CDH1: variants seen among roughly 807,000 people sequenced by gnomAD.
The protein encoded by CDH1 is cadherin 1, also known as cadherin-1.
CDH1 carries 35 observed loss-of-function variants against 84.5 expected under a neutral mutation model. That is an observed-to-expected ratio of 0.41 (90% CI 0.32 to 0.55). The LOEUF is 0.55. CDH1 is among the 20% of genes least tolerant of loss of function. CDH1 has a pLI of 0.19. For synonymous variants in CDH1, 417 were observed against 439.0 expected (o/e 0.95, Z 0.63); for missense variants, 994 against 1,126.6 (o/e 0.88, Z 1.68).
intron 11 of CDH1, among the ~76,000 whole-genome samples, chr16:68,820,598 C>T (rs2152137564): frequency 6.6e-6 from 1 of 152,278 alleles, no homozygotes; most frequent in South Asian, 2.1e-4. Context: ...GATCTGCCCA[C>T]CTTGGCCTCC....
At position 68,813,336 on chromosome 16, in the gene CDH1, C is replaced by A. The variant is rs111266450; in HGVS notation, c.1161C>A (p.Asn387Lys). 12 of 1,614,090 alleles carry A rather than the reference C, an allele frequency of 7.4e-6. No homozygotes were observed. The South Asian group carries it at 1.2e-4, about 16-fold the overall frequency. Residue 387 changes from asparagine to lysine, a missense_variant, in exon 9 of 16, where the codon AAC becomes AAA. Around this residue, in one of 3 missense-constraint regions of CDH1, gnomAD observed 769 missense variants for 881.8 expected, o/e 0.87. Transcript: ENST00000261769. Reference sequence around the variant, plus strand: ...AGTACAAGGGTCAGGTGCCTGAGAACGAGGCTAACGTCGTAATCACCACAC... The same window carrying A: ...AGTACAAGGGTCAGGTGCCTGAGAAAGAGGCTAACGTCGTAATCACCACAC... Reference protein sequence around the residue: ...PTTYKGQVPENEANVVITTLK... With the variant: ...PTTYKGQVPEKEANVVITTLK...
At chr16:68,766,235 G>A (rs1959379731) in intron 2 of CDH1, among the ~76,000 whole-genome samples, 1 of 152,132 alleles carries the variant, frequency 6.6e-6, no homozygotes, top group Non-Finnish European at 1.5e-5. Context: ...CTCCAGCCTG[G>A]GCGACAGAGT....
intron 11 of CDH1, among the ~76,000 whole-genome samples, chr16:68,820,350 T>C (rs1322572269): frequency 1.3e-5 from 2 of 150,528 alleles, no homozygotes; most frequent in African/African-American, 2.5e-5. Flanking sequence ...ATTTGCTGTT[T>C]AATTTTTTTT....
chr16:68,818,473 T>G (rs76921861), intron 10 of CDH1, among the ~76,000 whole-genome samples: 2 of 151,560 alleles, frequency 1.3e-5, no homozygotes, highest in African/African-American at 4.8e-5. Flanking sequence ...GAAGAGTTCA[T>G]GGATGGTCAT....
At chr16:68,804,263 G>A (rs930786485) in intron 3 of CDH1, among the ~76,000 whole-genome samples, 2 of 151,830 alleles carry the variant, frequency 1.3e-5, no homozygotes, top group Non-Finnish European at 2.9e-5. Flanking sequence ...ACAGGCATCC[G>A]CCACCACGCC....
intron 2 of CDH1, among the ~76,000 whole-genome samples, chr16:68,763,978 T>C (rs201482996): frequency 3.3e-5 from 5 of 152,104 alleles, no homozygotes; most frequent in Non-Finnish European, 7.4e-5. Context: ...CCAGAGCTGG[T>C]TGGGGGGATG....
At chr16:68,775,900 G>A (rs1490075704) in intron 2 of CDH1, among the ~76,000 whole-genome samples, 1 of 152,142 alleles carries the variant, frequency 6.6e-6, no homozygotes, top group Admixed American at 6.5e-5. Context: ...TCTTCCACAG[G>A]TCTCCCCCAT....
intron 15 of CDH1, among the ~76,000 whole-genome samples, chr16:68,830,709 C>T (rs1961461535): frequency 6.6e-6 from 1 of 152,144 alleles, no homozygotes; most frequent in Non-Finnish European, 1.5e-5. Context: ...GGCTGCCACA[C>T]TTCCAGATCT....
At position 68,833,370 on chromosome 16, in the gene CDH1, C is replaced by T. The variant is rs140328601; in HGVS notation, c.2520C>T (p.Ser840=). The T allele has an allele frequency of 2.6e-4, 419 of 1,614,166 alleles. No individual in the cohort carries two copies. The highest frequency in any genetic ancestry group is 1.3e-3 in the African/African-American group (98 of 75,040). ...LLVFDYEGSG[S]EAASLSSLNS... is the part of the protein sequence containing the mutation. ...TGTTTGACTATGAAGGAAGCGGTTC[C>T]GAAGCTGCTAGTCTGAGCTCCCTGA... Residue 840 remains serine (S), a synonymous_variant, in exon 16 of 16, where the codon TCC becomes TCT. Transcript: ENST00000261769.
chr16:68,761,444 T>C (rs1959224386), intron 2 of CDH1, among the ~76,000 whole-genome samples: 1 of 152,218 alleles, frequency 6.6e-6, no homozygotes, highest in African/African-American at 2.4e-5. Flanking sequence ...CATTCGTTTG[T>C]TCAGTAATGA....
rs1960514281 is a variant in CDH1, at chr16:68,801,783, A to T, written c.277A>T (p.Asn93Tyr). 1 of 1,614,240 alleles carries T rather than the reference A, an allele frequency of 6.2e-7. No individual in the cohort carries two copies. The highest frequency in any genetic ancestry group is 8.5e-7 in the Non-Finnish European group (1 of 1,180,028). Residue 93 changes from asparagine to tyrosine, a missense_variant, in exon 3 of 16, where the codon AAC becomes TAC. By Grantham distance (143) the Asn-to-Tyr change is moderately radical. Transcript: ENST00000261769. ...ITVKRPLRFH[N>Y]PQIHFLVYAW... Reference sequence around the variant, plus strand: ...AGTCAAAAGGCCTCTACGGTTTCATAACCCACAGATCCATTTCTTGGTCTA... The same window carrying T: ...AGTCAAAAGGCCTCTACGGTTTCATTACCCACAGATCCATTTCTTGGTCTA...
intron 3 of CDH1, among the ~76,000 whole-genome samples, chr16:68,804,493 C>G (rs1960599276): frequency 6.6e-6 from 1 of 152,100 alleles, no homozygotes; most frequent in Non-Finnish European, 1.5e-5. Context: ...AGCCTCATGA[C>G]CACATCTAGC....
At chr16:68,779,717 C>T (rs539502060) in intron 2 of CDH1, among the ~76,000 whole-genome samples, 1 of 152,264 alleles carries the variant, frequency 6.6e-6, no homozygotes, top group African/African-American at 2.4e-5. Flanking sequence ...ATTAATTGGG[C>T]ATGGTGGCAC....
At chr16:68,818,533 CTTTTTTTTTTTT>C (rs869272949) in intron 10 of CDH1, among the ~76,000 whole-genome samples, 1 of 123,350 alleles carries the variant, frequency 8.1e-6, no homozygotes, top group Non-Finnish European at 1.8e-5. Flanking sequence ...TCTTGGTTTT[CTTTTTTTTTTTT>C]TTTTTTTAAA....
rs750114318 is a variant in CDH1, at chr16:68,823,370, T to C, written c.1937-29T>C. 11 of 1,480,694 alleles carry C rather than the reference T, an allele frequency of 7.4e-6. No individual in the cohort carries two copies. The highest frequency in any genetic ancestry group is 4.5e-5 in the East Asian group (2 of 44,228). 91.7% of individuals were successfully genotyped at this position (1,480,694 alleles called of 1,614,324 possible). On this transcript the variant is annotated intron_variant, in intron 12 of 15. Transcript: ENST00000261769. ...AGCTTTTTATTTTCCTCCCCTGGTC[T>C]CATCATTTCTTTTTATTGCTTTCTC...
At chr16:68,819,146 G>A (rs1309125774) in intron 10 of CDH1, 134 bp from the exon 11 acceptor site, 159 of 982,298 alleles carry the variant, frequency 1.6e-4, no homozygotes, top group East Asian at 1.0e-4. Flanking sequence ...ATGAGCCACC[G>A]CGACCGGCCT....
intron 2 of CDH1, among the ~76,000 whole-genome samples, chr16:68,766,265 A>G (rs1959381148): frequency 6.6e-6 from 1 of 152,196 alleles, no homozygotes; most frequent in South Asian, 2.1e-4. Flanking sequence ...TTTACAAAAC[A>G]AAACAAAAAA....
chr16:68,739,630 T>C lies in CDH1; in HGVS notation c.163+1219T>C, dbSNP rs1471284925. ...ATGATTTTTTTTTTTTTTTTTTTTT[T>C]TGAGATGGAGTTTTACTCTTGTTGC... On this transcript the variant is annotated intron_variant, in intron 2 of 15. Coordinates refer to ENST00000261769, the MANE Select transcript of CDH1 (RefSeq NM_004360.5). Among the ~76,000 whole-genome samples the C allele has an allele frequency of 2.9e-5, 3 of 101,848 alleles. No individual in the cohort carries two copies. The East Asian group carries it at 8.3e-4, about 28-fold the overall frequency. The allele number at this position is 101,848 out of a possible 152,430, so 66.8% of individuals were successfully genotyped here.
chr16:68,799,956 G>A (rs1419493224), intron 2 of CDH1, among the ~76,000 whole-genome samples: 1 of 151,586 alleles, frequency 6.6e-6, no homozygotes, highest in Non-Finnish European at 1.5e-5. Context: ...GTTTCAGTGA[G>A]CCGAGATCGT....
Sources: gnomAD v4.1 joint callset for allele counts (sites outside exome capture counted in the v4.1 genomes callset) on GRCh38, gnomAD v4.1.1 for gene constraint, gnomAD v4.1.1 regional missense constraint, MANE v1.5 for transcripts, NCBI Gene and HGNC (gene_info 2026-07-23, HGNC 2026-07-21) for gene names.